Variants in ANKRD36C observed in about 807,000 individuals in gnomAD.
The protein encoded by ANKRD36C is ankyrin repeat domain 36C.
A neutral mutation model predicts 276.4 loss-of-function variants in ANKRD36C; 61 were observed. The observed-to-expected ratio is 0.22, with a 90% CI of 0.18 to 0.27. The LOEUF (loss-of-function observed/expected upper bound fraction) is 0.27. Ranked by LOEUF, ANKRD36C falls within the 10% of genes least tolerant of loss-of-function variation. The pLI, the probability that ANKRD36C is intolerant of heterozygous loss-of-function variation, is 1.00. For synonymous variants in ANKRD36C, 483 were observed against 680.1 expected (o/e 0.71, Z 4.51); for missense variants, 1,447 against 2,032.3 (o/e 0.71, Z 5.54).
rs1233259690 is a variant in ANKRD36C at position 95,956,822 on chromosome 2, A to G, written c.1106-6T>C. 1 of 1,533,144 alleles carries G rather than the reference A, an allele frequency of 6.5e-7. No homozygotes were observed. Among genetic ancestry groups the G allele is most frequent in the Non-Finnish European group, 8.7e-7 (1 of 1,145,594 alleles). 95.0% of individuals were successfully genotyped at this position (1,533,144 alleles called of 1,614,324 possible). ...CTGTTCAACAGCAGGAAGCACTATC[A>G]AACAAAAAGTAAAATGCATTTTAAA... On this transcript the variant is annotated splice_region_variant and splice_polypyrimidine_tract_variant and intron_variant, in intron 12 of 66. Transcript: ENST00000456556.
chr2:95,964,710 T>G (rs1050510542), intron 6 of ANKRD36C, among the ~76,000 whole-genome samples: 16 of 152,086 alleles, frequency 1.1e-4, no homozygotes, highest in Admixed American at 3.3e-4. Context: ...TCTCTTATTT[T>G]GTCTCTATGC....
chr2:95,849,530 G>C (rs1352175772), downstream of ANKRD36C, among the ~76,000 whole-genome samples: 1 of 152,172 alleles, frequency 6.6e-6, no homozygotes, highest in African/African-American at 2.4e-5. Flanking sequence ...ATGGTTTCAG[G>C]ATGGTGATTC....
chr2:95,915,485 T>C (rs1677065552), intron 38 of ANKRD36C, among the ~76,000 whole-genome samples: 1 of 151,514 alleles, frequency 6.6e-6, no homozygotes, highest in Non-Finnish European at 1.5e-5. Flanking sequence ...CAAAATTATA[T>C]AAATGACTTC....
chr2:95,855,784 G>C, exon 63 of ANKRD36C: 1 of 1,613,836 alleles, frequency 6.2e-7, no homozygotes, highest in Non-Finnish European at 8.5e-7. Flanking sequence ...ACTGTGCCCT[G>C]GAAAGCAAGC....
At chr2:95,897,008 C>A (rs968417021) in intron 44 of ANKRD36C, among the ~76,000 whole-genome samples, 1 of 148,752 alleles carries the variant, frequency 6.7e-6, no homozygotes, top group Non-Finnish European at 1.5e-5. Context: ...TTATGTTGTT[C>A]CCCAGAGCCC....
exon 26 of ANKRD36C, chr2:95,929,133 G>A (rs111499669): frequency 1.5e-4 from 243 of 1,602,864 alleles, no homozygotes; most frequent in East Asian, 6.3e-4. Context: ...AATCTTTGTC[G>A]TCACTTGTAG....
At chr2:95,954,072 G>C in intron 13 of ANKRD36C, 67 bp from the exon 14 acceptor site, 2 of 1,518,292 alleles carry the variant, frequency 1.3e-6, no homozygotes, top group Non-Finnish European at 1.8e-6. Context: ...AAAACCGTCA[G>C]TCTATACATG....
At chr2:95,858,235 A>T (rs1675470971) in intron 61 of ANKRD36C, among the ~76,000 whole-genome samples, 1 of 152,192 alleles carries the variant, frequency 6.6e-6, no homozygotes, top group African/African-American at 2.4e-5. Context: ...TTGGCTCAGA[A>T]TAAATCTCTT....
At chr2:95,857,788 C>T (rs370095357) in intron 61 of ANKRD36C, among the ~76,000 whole-genome samples, 1 of 147,074 alleles carries the variant, frequency 6.8e-6, no homozygotes, top group East Asian at 1.9e-4. Flanking sequence ...TAGAGAACCC[C>T]CTTTCCCCTT....
chr2:95,887,835 T>G, intron 50 of ANKRD36C, 90 bp downstream of exon 70: 1 of 1,479,474 alleles, frequency 6.8e-7, no homozygotes, highest in Non-Finnish European at 9.1e-7. Flanking sequence ...AATGTGCAGT[T>G]TTGATGAGCC....
downstream of ANKRD36C, among the ~76,000 whole-genome samples, chr2:95,849,791 A>C (rs1182815807): frequency 1.3e-5 from 2 of 152,180 alleles, no homozygotes; most frequent in African/African-American, 4.8e-5. Context: ...TCCTGTGAGA[A>C]TCTAATGGCT....
intron 50 of ANKRD36C, among the ~76,000 whole-genome samples, chr2:95,886,523 G>A (rs527265965): frequency 1.3e-5 from 2 of 151,720 alleles, no homozygotes; most frequent in South Asian, 2.1e-4. Flanking sequence ...AGGATATGCC[G>A]AGTGATGAGG....
At chr2:95,966,010 T>C (rs1160160242) in intron 6 of ANKRD36C, among the ~76,000 whole-genome samples, 1 of 152,182 alleles carries the variant, frequency 6.6e-6, no homozygotes, top group African/African-American at 2.4e-5. Context: ...GTTTTAGTAG[T>C]ATAGAGAACC....
intron 58 of ANKRD36C, 117 bp downstream of exon 78, chr2:95,880,310 G>A: frequency 8.9e-7 from 1 of 1,126,118 alleles, no homozygotes; most frequent in Non-Finnish European, 1.3e-6. Flanking sequence ...GCATTATTTA[G>A]ATGAAATCCT....
At chr2:95,890,263 C>T (rs1252261389) in intron 46 of ANKRD36C, among the ~76,000 whole-genome samples, 5 of 151,370 alleles carry the variant, frequency 3.3e-5, no homozygotes, top group Admixed American at 2.0e-4. Flanking sequence ...ATATCAATGT[C>T]GATATGCCGA....
At chr2:95,966,071 A>C (rs1678584839) in intron 6 of ANKRD36C, among the ~76,000 whole-genome samples, 1 of 152,190 alleles carries the variant, frequency 6.6e-6, no homozygotes, top group African/African-American at 2.4e-5. Context: ...TGTCTACCAA[A>C]GAGTCAGGAA....
intron 13 of ANKRD36C, among the ~76,000 whole-genome samples, chr2:95,954,507 T>C (rs1678281863): frequency 6.6e-6 from 1 of 152,184 alleles, no homozygotes; most frequent in Non-Finnish European, 1.5e-5. Context: ...ATCTTCAGCA[T>C]GTAAGCTACT....
chr2:95,889,749 A>T (rs1676289606), intron 48 of ANKRD36C, 50 bp downstream of exon 68: 2 of 1,531,630 alleles, frequency 1.3e-6, no homozygotes, highest in African/African-American at 1.4e-5. Context: ...TGAAGAGAAG[A>T]TCTCTTCTAT....
At chr2:95,892,244 A>G (rs1342435557) in intron 44 of ANKRD36C, among the ~76,000 whole-genome samples, 2 of 151,534 alleles carry the variant, frequency 1.3e-5, no homozygotes, top group East Asian at 3.9e-4. Flanking sequence ...CATGCAACAA[A>G]TCAAAAGGAT....
Sources: gnomAD v4.1 joint callset for allele counts (sites outside exome capture counted in the v4.1 genomes callset) on GRCh38, gnomAD v4.1.1 for gene constraint, MANE v1.5 for transcripts, NCBI Gene and HGNC (gene_info 2026-07-23, HGNC 2026-07-21) for gene names.